CDK5RAP1: variants seen among roughly 807,000 people sequenced by gnomAD.
The protein encoded by CDK5RAP1 is CDK5RAP1 mitochondrial tRNA methylthiotransferase, also known as mitochondrial tRNA methylthiotransferase CDK5RAP1.
A neutral mutation model predicts 64.5 loss-of-function variants in CDK5RAP1; 62 were observed. That is an observed-to-expected ratio of 0.96 (90% confidence interval 0.78 to 1.19). CDK5RAP1 has a LOEUF of 1.19. Ranked by LOEUF, CDK5RAP1 falls within the 50% of genes most tolerant of loss-of-function variation. The pLI, the probability that CDK5RAP1 is intolerant of heterozygous loss-of-function variation, is 0.00. For missense variants in CDK5RAP1, 657 were observed against 735.0 expected (o/e 0.89, Z 1.23); for synonymous variants, 250 against 261.9 (o/e 0.95, Z 0.44).
intron 4 of CDK5RAP1, 120 bp downstream of exon 4, chr20:33,393,912 T>C (rs1988610321): frequency 2.7e-6 from 2 of 753,338 alleles, no homozygotes; most frequent in Non-Finnish European, 4.8e-6. Flanking sequence ...GTGGGAAAAC[T>C]GCAAGTCCTA....
intron 6 of CDK5RAP1, among the ~76,000 whole-genome samples, chr20:33,386,773 T>G (rs1363927728): frequency 4.8e-5 from 5 of 103,964 alleles, no homozygotes; most frequent in African/African-American, 1.6e-4. Flanking sequence ...CAAACTTTTC[T>G]GTAAAAAAAA....
chr20:33,390,252 C>T (rs746284598), intron 5 of CDK5RAP1, among the ~76,000 whole-genome samples: 39 of 145,682 alleles, frequency 2.7e-4, no homozygotes, highest in Admixed American at 1.2e-3. Flanking sequence ...CCAGCCTGGG[C>T]GACAAACTGA....
chr20:33,393,962 G>C, intron 4 of CDK5RAP1, 70 bp downstream of exon 4: 1 of 1,127,224 alleles, frequency 8.9e-7, no homozygotes, highest in Non-Finnish European at 1.4e-6. Flanking sequence ...AGACAGCCAG[G>C]CCAGGCACTG....
intron 8 of CDK5RAP1, among the ~76,000 whole-genome samples, chr20:33,377,051 T>G (rs1986091135): frequency 6.6e-6 from 1 of 152,032 alleles, no homozygotes; most frequent in South Asian, 2.1e-4. Flanking sequence ...AACAAGAGAG[T>G]CTGGCTGGGC....
intron 2 of CDK5RAP1, among the ~76,000 whole-genome samples, chr20:33,396,208 T>C (rs1277882384): frequency 6.6e-6 from 1 of 152,234 alleles, no homozygotes; most frequent in Non-Finnish European, 1.5e-5. Flanking sequence ...TAACTTCATC[T>C]TAAATGAAAG....
intron 3 of CDK5RAP1, among the ~76,000 whole-genome samples, chr20:33,394,478 C>A (rs1186501495): frequency 1.3e-5 from 2 of 149,634 alleles, no homozygotes; most frequent in Non-Finnish European, 3.0e-5. Context: ...CTATTTTTTT[C>A]CTTTTTTTTT....
chr20:33,387,352 C>G lies in CDK5RAP1; in HGVS notation c.726G>C (p.Gln242His). 6.2e-7 allele frequency: 1 copy of G among 1,614,006 alleles called. No individual in the cohort carries two copies. The highest frequency in any genetic ancestry group is 8.5e-7 in the Non-Finnish European group (1 of 1,179,996). ...DETYADVMPV[Q>H]TSASATSAFV... is the part of the protein sequence containing the mutation. ...AGGCAGACGTGGCACTGGCGCTTGT[C>G]TGGACTGGCATGACATCAGCATAGG... The change falls in exon 6 of 14, where the codon CAG becomes CAC. Residue 242 changes from glutamine (Q) to histidine (H), a missense_variant. By Grantham distance (24) the Gln-to-His change is conservative. Coordinates refer to ENST00000346416, the MANE Select transcript of CDK5RAP1 (RefSeq NM_016408.4).
intron 8 of CDK5RAP1, among the ~76,000 whole-genome samples, chr20:33,377,534 T>G (rs1411720839): frequency 1.3e-5 from 2 of 152,236 alleles, no homozygotes; most frequent in African/African-American, 4.8e-5. Flanking sequence ...GGCCTTGCTC[T>G]GGATTAGGCT....
chr20:33,389,048 C>T (rs1176783168), intron 5 of CDK5RAP1, among the ~76,000 whole-genome samples: 2 of 152,190 alleles, frequency 1.3e-5, no homozygotes, highest in Non-Finnish European at 2.9e-5. Flanking sequence ...GCCGCCACCC[C>T]GTCTGGGAAG....
chr20:33,394,364 C>G (rs1455292350), intron 3 of CDK5RAP1, among the ~76,000 whole-genome samples: 1 of 151,868 alleles, frequency 6.6e-6, no homozygotes, highest in African/African-American at 2.4e-5. Context: ...GTTAGCCAAG[C>G]TGGTCTCGAA....
At chr20:33,368,388 G>A (rs1035479265) in intron 11 of CDK5RAP1, among the ~76,000 whole-genome samples, 3 of 150,724 alleles carry the variant, frequency 2.0e-5, no homozygotes, top group Non-Finnish European at 2.9e-5. Flanking sequence ...AACCTCCCAG[G>A]CTCAAGTGAT....
intron 6 of CDK5RAP1, among the ~76,000 whole-genome samples, chr20:33,386,578 G>A (rs577425041): frequency 6.6e-5 from 10 of 152,214 alleles, no homozygotes; most frequent in African/African-American, 1.9e-4. Flanking sequence ...GTTAGGTATC[G>A]AAGTTAAATC....
upstream of CDK5RAP1, chr20:33,401,558 T>C: frequency 3.1e-6 from 3 of 976,354 alleles, no homozygotes; most frequent in Non-Finnish European, 3.7e-6. Context: ...GGCCGGGTCA[T>C]GCTAACGGAA....
In CDK5RAP1 at chr20:33,379,467, A is replaced by G. The variant is rs6057835; in HGVS notation, c.1101T>C (p.Pro367=). Residue 367 remains proline (P), a synonymous_variant, in exon 8 of 14, where the codon CCT becomes CCC. Coordinates refer to ENST00000346416, the MANE Select transcript of CDK5RAP1 (RefSeq NM_016408.4). ...RFTSPHPKDF[P]DEVLQLIHER... ...CAGCTAACCTGACGCTCACCTCATC[A>G]GGAAAATCCTTGGGGTGGGGAGAGG... 6,599 of 1,609,290 alleles carry G rather than the reference A, an allele frequency of 4.1e-3. 217 individuals carry two copies. In the African/African-American group the frequency reaches 0.076, roughly 19 times the overall value.
At chr20:33,397,526 CAG>C (rs1246418801) in intron 1 of CDK5RAP1, among the ~76,000 whole-genome samples, 2 of 152,216 alleles carry the variant, frequency 1.3e-5, no homozygotes, top group Admixed American at 1.3e-4. Context: ...AACAAGGACT[CAG>C]ATAAAAATCT....
In CDK5RAP1 at chr20:33,379,603, T is replaced by C; in HGVS notation, c.965A>G (p.Asn322Ser). Reference protein sequence around the residue: ...EVQFNSAVPTNLSRGFTTNYK... With the variant: ...EVQFNSAVPTSLSRGFTTNYK... ...GTTGGTGGTAAAGCCACGACTGAGA[T>C]TGGTAGGCACTGCACTGTTGAACTG... is the stretch of plus-strand genomic sequence containing the variant. The change falls in exon 8 of 14, where the codon AAT becomes AGT. Residue 322 changes from asparagine to serine, a missense_variant. Coordinates refer to ENST00000346416, the MANE Select transcript of CDK5RAP1 (RefSeq NM_016408.4). 1 of 1,614,000 alleles carries C rather than the reference T, an allele frequency of 6.2e-7. No homozygotes were observed. Among genetic ancestry groups the C allele is most frequent in the Non-Finnish European group, 8.5e-7 (1 of 1,179,966 alleles).
intron 8 of CDK5RAP1, among the ~76,000 whole-genome samples, chr20:33,376,576 A>G (rs969847079): frequency 1.3e-5 from 2 of 152,214 alleles, no homozygotes; most frequent in African/African-American, 4.8e-5. Flanking sequence ...AAAGAGATGT[A>G]CAAGGAGATT....
At chr20:33,387,089 C>A (rs1046181021) in intron 6 of CDK5RAP1, among the ~76,000 whole-genome samples, 14 of 151,716 alleles carry the variant, frequency 9.2e-5, no homozygotes, top group Non-Finnish European at 5.9e-5. Flanking sequence ...TATAGTGAGA[C>A]CCTATCTCTG....
intron 5 of CDK5RAP1, among the ~76,000 whole-genome samples, chr20:33,388,606 AGTCTCCGTCTCCCTCTCTTTCCACT>A (rs1987803572): frequency 8.4e-6 from 1 of 119,412 alleles, no homozygotes; most frequent in Non-Finnish European, 1.7e-5. Context: ...CTCTCCCCAC[AGTCTCCGTCTCCCTCTCTTTCCACT>A]GTCTCCCTCT....
Sources: allele counts gnomAD v4.1 joint callset (sites outside exome capture counted in the v4.1 genomes callset), GRCh38; gene constraint gnomAD v4.1.1; transcripts MANE v1.5; gene names NCBI Gene and HGNC (gene_info 2026-07-23, HGNC 2026-07-21).